Variants in GRID2 observed in about 807,000 individuals in gnomAD.
GRID2 encodes the protein glutamate ionotropic receptor delta type subunit 2.
A neutral mutation model predicts 114.8 loss-of-function variants in GRID2; 33 were observed. The ratio of observed to expected loss-of-function variants is 0.29; its 90% CI spans 0.22 to 0.38. The LOEUF (loss-of-function observed/expected upper bound fraction) is 0.38. GRID2 is among the 10% of genes least tolerant of loss of function. The pLI is 1.00. For synonymous variants in GRID2, 505 were observed against 449.9 expected (o/e 1.12, Z -1.55); for missense variants, 1,184 against 1,257.7 (o/e 0.94, Z 0.89).
chr4:93,539,253 A>G (rs758105123), intron 13 of GRID2, among the ~76,000 whole-genome samples: 1 of 151,894 alleles, frequency 6.6e-6, no homozygotes, highest in Non-Finnish European at 1.5e-5. Context: ...ACTCATATCA[A>G]TATATTGTAT....
At chr4:93,235,150 CTCT>C (rs1371237083) in intron 7 of GRID2, among the ~76,000 whole-genome samples, 1 of 151,962 alleles carries the variant, frequency 6.6e-6, no homozygotes, top group Non-Finnish European at 1.5e-5. Context: ...ACCTCTGATT[CTCT>C]TCTTTTAATT....
At chr4:92,924,554 A>G (rs1248101353) in intron 2 of GRID2, among the ~76,000 whole-genome samples, 1 of 152,174 alleles carries the variant, frequency 6.6e-6, no homozygotes, top group Admixed American at 6.6e-5. Context: ...TTATCTTCCA[A>G]AACACTGCTG....
intron 13 of GRID2, among the ~76,000 whole-genome samples, chr4:93,593,817 G>A (rs1006148856): frequency 9.9e-5 from 15 of 151,746 alleles, no homozygotes; most frequent in African/African-American, 3.4e-4. Context: ...ATCTTCCATT[G>A]CTGATACCCT....
intron 14 of GRID2, among the ~76,000 whole-genome samples, chr4:93,765,637 G>T (rs1462713724): frequency 2.2e-5 from 3 of 138,174 alleles, no homozygotes; most frequent in South Asian, 2.3e-4. Context: ...TATATATGAG[G>T]CATATATATA....
intron 8 of GRID2, among the ~76,000 whole-genome samples, chr4:93,254,164 A>G (rs899994147): frequency 1.3e-5 from 2 of 152,238 alleles, no homozygotes; most frequent in East Asian, 3.9e-4. Context: ...GGTGCAAAAA[A>G]TGGCTTTTAC....
At chr4:92,442,459 C>A (rs1235018081) in intron 1 of GRID2, among the ~76,000 whole-genome samples, 1 of 151,958 alleles carries the variant, frequency 6.6e-6, no homozygotes, top group Non-Finnish European at 1.5e-5. Flanking sequence ...TGGAGGAACG[C>A]CTGGCCGCTG....
At chr4:92,951,763 C>G in intron 2 of GRID2, among the ~76,000 whole-genome samples, 1 of 152,154 alleles carries the variant, frequency 6.6e-6, no homozygotes, top group East Asian at 1.9e-4. Flanking sequence ...GGTATAGATT[C>G]ATATGCAAAT....
intron 14 of GRID2, among the ~76,000 whole-genome samples, chr4:93,696,159 C>G (rs1316632322): frequency 6.6e-6 from 1 of 152,196 alleles, no homozygotes; most frequent in African/African-American, 2.4e-5. Context: ...GATCTATATA[C>G]TGACCATGTT....
chr4:92,908,484 C>T (rs1456384102), intron 2 of GRID2, among the ~76,000 whole-genome samples: 1 of 150,528 alleles, frequency 6.6e-6, no homozygotes, highest in Non-Finnish European at 1.5e-5. Flanking sequence ...TTGTCGTGAA[C>T]CTGGGAGGCG....
At chr4:93,038,349 G>T (rs1423856747) in intron 2 of GRID2, among the ~76,000 whole-genome samples, 1 of 152,230 alleles carries the variant, frequency 6.6e-6, no homozygotes, top group Non-Finnish European at 1.5e-5. Flanking sequence ...GTGGGCAAAG[G>T]ATATGAACAG....
intron 1 of GRID2, among the ~76,000 whole-genome samples, chr4:92,540,786 T>A (rs1306418104): frequency 6.6e-6 from 1 of 152,168 alleles, no homozygotes; most frequent in Admixed American, 6.5e-5. Flanking sequence ...AGCCATCCCA[T>A]TACTGGGTAT....
intron 2 of GRID2, among the ~76,000 whole-genome samples, chr4:92,621,622 T>C (rs777769092): frequency 6.6e-6 from 1 of 151,688 alleles, no homozygotes. Context: ...ATTACATCAC[T>C]GCACTTAGCG....
chr4:93,198,313 A>C (rs1164421369), intron 4 of GRID2, among the ~76,000 whole-genome samples: 1 of 152,090 alleles, frequency 6.6e-6, no homozygotes, highest in Non-Finnish European at 1.5e-5. Context: ...AATAGGACAA[A>C]AGTAACAGAG....
At chr4:93,289,233 C>T (rs1317614017) in intron 8 of GRID2, among the ~76,000 whole-genome samples, 3 of 152,092 alleles carry the variant, frequency 2.0e-5, no homozygotes, top group African/African-American at 7.2e-5. Flanking sequence ...ACATAATCAA[C>T]CTTTTAAGTT....
intron 4 of GRID2, among the ~76,000 whole-genome samples, chr4:93,133,850 T>G (rs925091398): frequency 2.0e-5 from 3 of 152,130 alleles, no homozygotes; most frequent in Non-Finnish European, 4.4e-5. Context: ...TGTATTTCAG[T>G]TTAATTCTTG....
At position 93,176,805 on chromosome 4, in the gene GRID2, CTA is replaced by C. The variant is rs1396840648; in HGVS notation, c.736-30597_736-30596del. 2.6e-5 allele frequency among the ~76,000 whole-genome samples: 4 copies of C among 152,254 alleles called. No homozygotes were observed. The East Asian group carries it at 7.7e-4, about 29-fold the overall frequency. ...TCTCAGCCGTATTTTACCTTTGCCT[CTA>C]TGTTTATGTTATCTCTGAAGTGGGA... On this transcript the variant is annotated intron_variant, in intron 4 of 15. Transcript: ENST00000282020.
Position 93,174,558 on chromosome 4 carries a change from G to T in GRID2, c.736-32846G>T, listed in dbSNP as rs79196637. On this transcript the variant is annotated intron_variant, in intron 4 of 15. Transcript: ENST00000282020. ...CGATATGACTGTATCTGGAGATAGG[G>T]TCTTTCGGGTTAAAGGAGGTCATGA... Among the ~76,000 whole-genome samples, 635 of 152,232 alleles carry T rather than the reference G, an allele frequency of 4.2e-3. 8 individuals carry two copies. Among genetic ancestry groups the T allele is most frequent in the African/African-American group, 0.015 (611 of 41,540 alleles).
At chr4:93,385,699 A>G (rs1014442832) in intron 8 of GRID2, among the ~76,000 whole-genome samples, 1 of 149,422 alleles carries the variant, frequency 6.7e-6, no homozygotes. Context: ...TATATTTTAC[A>G]TTGGTTTTCT....
At chr4:93,145,538 T>C (rs574302216) in intron 4 of GRID2, among the ~76,000 whole-genome samples, 119 of 150,224 alleles carry the variant, frequency 7.9e-4, no homozygotes, top group African/African-American at 2.8e-3. Flanking sequence ...CTGAGCTCAC[T>C]GCAACCTCCA....
Sources: gnomAD v4.1 joint callset for allele counts (sites outside exome capture counted in the v4.1 genomes callset) on GRCh38, gnomAD v4.1.1 for gene constraint, MANE v1.5 for transcripts, NCBI Gene and HGNC (gene_info 2026-07-23, HGNC 2026-07-21) for gene names.